The following PLA2G4A variants were observed in gnomAD, a reference collection of about 807,000 sequenced individuals.
PLA2G4A encodes phospholipase A2 group IVA.
Under a neutral mutation model 81.9 loss-of-function variants are expected in PLA2G4A, and 40 were observed. The ratio of observed to expected loss-of-function variants is 0.49; its 90% CI spans 0.38 to 0.64. The LOEUF is 0.64. PLA2G4A is among the 30% of genes least tolerant of loss of function. The pLI is 0.00. For synonymous variants in PLA2G4A, 302 were observed against 296.9 expected (o/e 1.02, Z -0.18); for missense variants, 715 against 905.1 (o/e 0.79, Z 2.69).
intron 2 of PLA2G4A, among the ~76,000 whole-genome samples, chr1:186,855,345 C>T (rs1353619903): frequency 1.3e-5 from 2 of 151,904 alleles, no homozygotes; most frequent in East Asian, 3.9e-4. Context: ...CTTCTGTTTC[C>T]TTGCTGTTGG....
chr1:186,966,460 T>G (rs1011910632), intron 15 of PLA2G4A, among the ~76,000 whole-genome samples: 1 of 152,058 alleles, frequency 6.6e-6, no homozygotes, highest in Admixed American at 6.6e-5. Flanking sequence ...TCATTAGGTA[T>G]GGAAAAAGGA....
intron 1 of PLA2G4A, among the ~76,000 whole-genome samples, chr1:186,833,605 C>CATT (rs939819421): frequency 1.3e-5 from 2 of 152,130 alleles, no homozygotes; most frequent in African/African-American, 4.8e-5. Flanking sequence ...CCTCTGATAC[C>CATT]ATTACCTGCC....
At chr1:186,981,570 C>T (rs1657718879) in intron 17 of PLA2G4A, among the ~76,000 whole-genome samples, 1 of 152,100 alleles carries the variant, frequency 6.6e-6, no homozygotes, top group African/African-American at 2.4e-5. Context: ...ATAAAATATA[C>T]AAAATATAAA....
intron 17 of PLA2G4A, among the ~76,000 whole-genome samples, chr1:186,982,649 C>T (rs1300908492): frequency 2.0e-5 from 3 of 150,212 alleles, no homozygotes; most frequent in Non-Finnish European, 3.0e-5. Flanking sequence ...AACATTGAGA[C>T]TCATGTTCAA....
At chr1:186,952,764 G>C (rs1193522079) in intron 13 of PLA2G4A, among the ~76,000 whole-genome samples, 4 of 116,566 alleles carry the variant, frequency 3.4e-5, no homozygotes, top group Admixed American at 1.3e-4. Flanking sequence ...TCTCTCCATA[G>C]TTTTGCCTTT....
At chr1:186,839,375 T>A (rs1558348280) in intron 1 of PLA2G4A, among the ~76,000 whole-genome samples, 1 of 152,236 alleles carries the variant, frequency 6.6e-6, no homozygotes, top group African/African-American at 2.4e-5. Context: ...CTGCACTTTA[T>A]TCCTGGTCCT....
chr1:186,840,163 A>G lies in PLA2G4A; in HGVS notation c.-70+11128A>G, dbSNP rs913212940. Among the ~76,000 whole-genome samples the G allele has an allele frequency of 9.9e-5, 15 of 151,328 alleles. 1 individual carries two copies. The highest frequency in any genetic ancestry group is 1.3e-4 in the Non-Finnish European group (9 of 67,850). On this transcript the variant is annotated intron_variant, in intron 1 of 17. Transcript: ENST00000367466. ...CTGGGCAGTAATTAGCTTTCTTTAT[A>G]AACTGATATTTTATTTCATATATTT...
intron 14 of PLA2G4A, among the ~76,000 whole-genome samples, chr1:186,962,486 T>A (rs570090395): frequency 7.3e-6 from 1 of 136,674 alleles, no homozygotes; most frequent in Non-Finnish European, 1.5e-5. Flanking sequence ...AGTTATTTTA[T>A]TTTATTTATT....
At chr1:186,949,929 AGG>A (rs1656496969) in intron 12 of PLA2G4A, among the ~76,000 whole-genome samples, 1 of 152,088 alleles carries the variant, frequency 6.6e-6, no homozygotes, top group Non-Finnish European at 1.5e-5. Flanking sequence ...CCAGCTACTC[AGG>A]AGGCTAAGGT....
intron 2 of PLA2G4A, among the ~76,000 whole-genome samples, chr1:186,867,388 T>C (rs924606242): frequency 1.3e-5 from 2 of 152,184 alleles, no homozygotes; most frequent in Non-Finnish European, 2.9e-5. Flanking sequence ...CATATGAATT[T>C]TGTATTCTTC....
intron 1 of PLA2G4A, among the ~76,000 whole-genome samples, chr1:186,840,579 CT>C (rs1651946258): frequency 6.6e-6 from 1 of 152,128 alleles, no homozygotes; most frequent in Admixed American, 6.5e-5. Flanking sequence ...CAATTTATTC[CT>C]CTTAAAGATC....
At chr1:186,875,558 T>TAC (rs201865714) in intron 3 of PLA2G4A, among the ~76,000 whole-genome samples, 14 of 151,816 alleles carry the variant, frequency 9.2e-5, no homozygotes, top group Admixed American at 1.3e-4. Flanking sequence ...AAATGTACTA[T>TAC]ACACACACAC....
At chr1:186,832,790 T>C (rs970932387) in intron 1 of PLA2G4A, among the ~76,000 whole-genome samples, 2 of 152,112 alleles carry the variant, frequency 1.3e-5, no homozygotes, top group African/African-American at 4.8e-5. Context: ...ACTTTTGGGG[T>C]CCTCAGTAAT....
chr1:186,914,869 G>A (rs1655085025), intron 7 of PLA2G4A, among the ~76,000 whole-genome samples: 1 of 152,042 alleles, frequency 6.6e-6, no homozygotes, highest in Non-Finnish European at 1.5e-5. Flanking sequence ...CTCAATAGTG[G>A]GAGTTCTCAC....
chr1:186,926,677 C>T (rs1445438399), intron 7 of PLA2G4A, among the ~76,000 whole-genome samples: 3 of 152,252 alleles, frequency 2.0e-5, no homozygotes, highest in African/African-American at 7.2e-5. Context: ...CCAGTTTAGA[C>T]CTCAACGTTG....
At chr1:186,927,977 A>C (rs1412512293) in intron 7 of PLA2G4A, among the ~76,000 whole-genome samples, 1 of 152,160 alleles carries the variant, frequency 6.6e-6, no homozygotes, top group Non-Finnish European at 1.5e-5. Flanking sequence ...AAAGGTCGAA[A>C]GGCAGGCAGT....
chr1:186,988,873 A>G lies in PLA2G4A; in HGVS notation c.*365A>G, dbSNP rs184857750. 2.1e-5 allele frequency: 4 copies of G among 186,722 alleles called. No homozygotes were observed. Among genetic ancestry groups the G allele is most frequent in the Admixed American group, 5.5e-5 (1 of 18,206 alleles). The allele number at this position is 186,722 out of a possible 1,614,324, so 11.6% of individuals were successfully genotyped here. On this transcript the variant is annotated 3_prime_UTR_variant, in exon 18 of 18. Coordinates refer to ENST00000367466, the MANE Select transcript of PLA2G4A (RefSeq NM_024420.3). ...ATCTCAATAAGACCTCGCATTATGT[A>G]TGAATGTTATTCACTGACTAGATTT... is the stretch of plus-strand genomic sequence containing the variant.
chr1:186,921,038 C>G (rs4651338), intron 7 of PLA2G4A, among the ~76,000 whole-genome samples: 85,870 of 152,086 alleles, frequency 0.56, 25,875 homozygotes, highest in African/African-American at 0.78. Flanking sequence ...TAGAATTGTG[C>G]TGGACTCTCC....
intron 17 of PLA2G4A, among the ~76,000 whole-genome samples, chr1:186,979,986 C>G (rs1657664810): frequency 8.4e-6 from 1 of 118,472 alleles, no homozygotes; most frequent in Non-Finnish European, 1.6e-5. Context: ...CTCGCTCTGT[C>G]GCCCAGGCTG....
Sources: gnomAD v4.1 joint callset for allele counts (sites outside exome capture counted in the v4.1 genomes callset) on GRCh38, gnomAD v4.1.1 for gene constraint, MANE v1.5 for transcripts, NCBI Gene and HGNC (gene_info 2026-07-23, HGNC 2026-07-21) for gene names.